The following ZNF16 variants were observed in gnomAD, a reference collection of about 807,000 sequenced individuals.
ZNF16 encodes zinc finger protein KOX9.
In ZNF16, 7 loss-of-function variants were observed where a neutral mutation model predicts 9.0. The ratio of observed to expected loss-of-function variants is 0.78; its 90% CI spans 0.44 to 1.47. The LOEUF (loss-of-function observed/expected upper bound fraction) is 1.47. Among genes scored for constraint, ZNF16 ranks in the 40% most tolerant of loss-of-function variants. ZNF16 has a pLI of 0.01. For synonymous variants in ZNF16, 312 were observed against 301.5 expected, an observed-to-expected ratio of 1.03 and a Z score of -0.36; for missense variants, 830 against 854.2, an observed-to-expected ratio of 0.97 and a Z score of 0.35.
At position 144,930,410 on chromosome 8, in the gene ZNF16, T is replaced by C; in HGVS notation, c.*328A>G. ...ATCTCAAACCAAACGTCACTTTACT[T>C]TTTTGGTAACTTTTCATTATAATAA... is the stretch of plus-strand genomic sequence containing the variant. On this transcript the variant is annotated 3_prime_UTR_variant, in exon 3 of 3. Transcript: ENST00000394909. 4.0e-6 allele frequency: 1 copy of C among 250,676 alleles called. No individual in the cohort carries two copies. The highest frequency in any genetic ancestry group is 7.6e-6 in the Non-Finnish European group (1 of 131,764). 15.5% of individuals were successfully genotyped at this position (250,676 alleles called of 1,614,324 possible). A position where few individuals can be genotyped will look rare whatever the true frequency, so the allele number is the denominator to read the frequency against.
chr8:144,937,137 C>CTTTTTTTTTT (rs1554659152), intron 2 of ZNF16, among the ~76,000 whole-genome samples: 1 of 112,990 alleles, frequency 8.9e-6, no homozygotes. Flanking sequence ...CACTTTCTTT[C>CTTTTTTTTTT]TCTCTCTTTT....
intron 1 of ZNF16, 123 bp from the exon 2 acceptor site, chr8:144,946,338 T>A: frequency 2.1e-6 from 2 of 944,124 alleles, no homozygotes; most frequent in Non-Finnish European, 2.9e-6. Context: ...GGCCTGGTGC[T>A]GCCAGGTCTC....
rs189976600 is a variant in ZNF16 at position 144,938,315 on chromosome 8, T to C, written c.197-5725A>G. Among the ~76,000 whole-genome samples, 177 of 152,374 alleles carry C rather than the reference T, an allele frequency of 1.2e-3. 1 individual carries two copies. Among genetic ancestry groups the C allele is most frequent in the Non-Finnish European group, 1.8e-3 (122 of 68,032 alleles). On this transcript the variant is annotated intron_variant, in intron 2 of 2. Transcript: ENST00000394909. ...TCTGCAAAAAATGGCCATTGTAATT[T>C]TGATAGGAATGGCATTGAATCTGTA... is the stretch of plus-strand genomic sequence containing the variant.
intron 2 of ZNF16, 122 bp downstream of exon 2, chr8:144,945,889 A>G (rs1337189819): frequency 1.4e-6 from 2 of 1,470,732 alleles, no homozygotes; most frequent in Non-Finnish European, 1.8e-6. Flanking sequence ...TCCTTGAGTC[A>G]GAGTACCCCG....
chr8:144,936,175 A>G (rs1354218667), intron 2 of ZNF16, among the ~76,000 whole-genome samples: 1 of 152,232 alleles, frequency 6.6e-6, no homozygotes, highest in Non-Finnish European at 1.5e-5. Flanking sequence ...GGAATTATAT[A>G]GTATGTGACC....
At chr8:144,946,950 C>T (rs1287775336) in intron 1 of ZNF16, among the ~76,000 whole-genome samples, 1 of 105,148 alleles carries the variant, frequency 9.5e-6, no homozygotes, top group East Asian at 2.9e-4. Flanking sequence ...CTGTACCCTG[C>T]TGTGGGCCTG....
intron 2 of ZNF16, among the ~76,000 whole-genome samples, chr8:144,937,813 C>T (rs906939039): frequency 6.0e-5 from 9 of 150,686 alleles, no homozygotes; most frequent in Non-Finnish European, 8.9e-5. Context: ...GGAGTAGGCA[C>T]CAACACAACT....
At chr8:144,950,020 G>T (rs1407432857) in intron 1 of ZNF16, among the ~76,000 whole-genome samples, 2 of 152,240 alleles carry the variant, frequency 1.3e-5, no homozygotes, top group Non-Finnish European at 2.9e-5. Context: ...TCTGAGACAG[G>T]AGAAAAACTG....
chr8:144,949,000 G>A (rs1166503556), intron 1 of ZNF16, among the ~76,000 whole-genome samples: 1 of 152,272 alleles, frequency 6.6e-6, no homozygotes, highest in Non-Finnish European at 1.5e-5. Context: ...ACCTCGGAGA[G>A]CTAAGGATCA....
In ZNF16 at chr8:144,931,392, T is replaced by C. The variant is rs776923808; in HGVS notation, c.1395A>G (p.Val465=). 1.2e-6 allele frequency: 2 copies of C among 1,614,130 alleles called. No homozygotes were observed. The highest frequency in any genetic ancestry group is 1.7e-5 in the Admixed American group (1 of 60,026). The change falls in exon 3 of 3, where the codon GTA becomes GTG. Residue 465 remains valine, a synonymous_variant. Coordinates refer to ENST00000394909, the MANE Select transcript of ZNF16 (RefSeq NM_006958.3). ...HTGEKPHVCN[V]CGKAFSYSSV... ...AGCTATAACTAAAGGCTTTTCCACA[T>C]ACATTACACACGTGAGGCTTTTCTC...
intron 2 of ZNF16, among the ~76,000 whole-genome samples, chr8:144,934,741 T>G (rs1021795995): frequency 6.6e-6 from 1 of 152,174 alleles, no homozygotes; most frequent in Non-Finnish European, 1.5e-5. Flanking sequence ...AAGAAGGCTC[T>G]GGCAACAACA....
chr8:144,946,401 A>G (rs1432179394), intron 1 of ZNF16, among the ~76,000 whole-genome samples, 186 bp from the exon 2 acceptor site: 1 of 152,184 alleles, frequency 6.6e-6, no homozygotes, highest in Non-Finnish European at 1.5e-5. Context: ...GGAGTCAGCC[A>G]TGGAGACACA....
In ZNF16 at chr8:144,933,395, T is replaced by C. The variant is rs1833603980; in HGVS notation, c.197-805A>G. 6.6e-6 allele frequency among the ~76,000 whole-genome samples: 1 copy of C among 152,186 alleles called. No homozygotes were observed. The highest frequency in any genetic ancestry group is 1.5e-5 in the Non-Finnish European group (1 of 68,032). ...GATGACTTCTGGCCTCGTAACAATG[T>C]GCGTCATCTTTCCGCAGACAGAAAT... On this transcript the variant is annotated intron_variant, in intron 2 of 2. Coordinates refer to ENST00000394909, the MANE Select transcript of ZNF16 (RefSeq NM_006958.3). The surrounding 1 kb of genome is among the most constrained non-coding windows in gnomAD (Gnocchi z 5.6).
chr8:144,937,139 CTCTCTTTTTT>C (rs1175113687), intron 2 of ZNF16, among the ~76,000 whole-genome samples: 3 of 91,024 alleles, frequency 3.3e-5, no homozygotes, highest in African/African-American at 1.1e-4. Flanking sequence ...CTTTCTTTCT[CTCTCTTTTTT>C]TTTTTTTTTT....
Position 144,932,259 on chromosome 8 carries a change from T to C in ZNF16, c.528A>G (p.Thr176=). 6.2e-7 allele frequency: 1 copy of C among 1,614,180 alleles called. No homozygotes were observed. Among genetic ancestry groups the C allele is most frequent in the Non-Finnish European group, 8.5e-7 (1 of 1,180,030 alleles). Residue 176 remains threonine, a synonymous_variant, in exon 3 of 3, where the codon ACA becomes ACG. Coordinates refer to ENST00000394909, the MANE Select transcript of ZNF16 (RefSeq NM_006958.3). This position sits in a 1 kb window ranked among gnomAD's most constrained non-coding sequence, Gnocchi z 5.0. ...TGTCATATGGATGTGGCCTCTCTTC[T>C]GTAGGGATTTCCTGACATGCCATCA... ...PNLMACQEIP[T]EERPHPYDMG... is the part of the protein sequence containing the mutation.
In ZNF16 at chr8:144,931,833, C is replaced by G; in HGVS notation, c.954G>C (p.Glu318Asp). The part of the protein sequence containing the change: ...LKKHQKSHMS[E>D]KPYECNECGK... The stretch of plus-strand genomic sequence containing the variant: ...CACATTCATTGCATTCATAGGGCTT[C>G]TCACTCATGTGAGACTTTTGGTGCT... The change falls in exon 3 of 3, where the codon GAG becomes GAC. Residue 318 changes from glutamate (E) to aspartate (D), a missense_variant. By Grantham distance (45) the Glu-to-Asp change is conservative. Transcript: ENST00000394909. 6.2e-7 allele frequency: 1 copy of G among 1,614,246 alleles called. No homozygotes were observed. The highest frequency in any genetic ancestry group is 8.5e-7 in the Non-Finnish European group (1 of 1,180,054).
intron 1 of ZNF16, among the ~76,000 whole-genome samples, chr8:144,946,535 G>GCCCGTGTCCT (rs1563925456): frequency 1.4e-5 from 2 of 139,682 alleles, no homozygotes; most frequent in Non-Finnish European, 1.5e-5. Flanking sequence ...CCTGCTGTGG[G>GCCCGTGTCCT]GCCTGTGTAC....
Position 144,932,651 on chromosome 8 carries a change from A to G in ZNF16, c.197-61T>C. 6.4e-7 allele frequency: 1 copy of G among 1,551,676 alleles called. No homozygotes were observed. The highest frequency in any genetic ancestry group is 8.7e-7 in the Non-Finnish European group (1 of 1,144,238). ...TGCTGCAGCAGGAGCAGGAACATAG[A>G]CAGTCACAGTTGCACCCACTAACTG... On this transcript the variant is annotated intron_variant, in intron 2 of 2. Transcript: ENST00000394909. The surrounding 1 kb of genome is among the most constrained non-coding windows in gnomAD (Gnocchi z 5.0).
At chr8:144,934,267 G>A (rs1276988104) in intron 2 of ZNF16, among the ~76,000 whole-genome samples, 1 of 152,184 alleles carries the variant, frequency 6.6e-6, no homozygotes, top group East Asian at 1.9e-4. Context: ...CAGACACATC[G>A]TGCTGTGCCA....
Sources: allele counts gnomAD v4.1 joint callset (sites outside exome capture counted in the v4.1 genomes callset), GRCh38; gene constraint gnomAD v4.1.1; non-coding constraint Gnocchi (gnomAD v3.1); transcripts MANE v1.5; gene names NCBI Gene and HGNC (gene_info 2026-07-23, HGNC 2026-07-21).